The following ARRDC5 variants were observed in gnomAD, a reference collection of about 807,000 sequenced individuals.
ARRDC5 encodes the protein arrestin domain containing 5.
A neutral mutation model predicts 13.3 loss-of-function variants in ARRDC5; 12 were observed. That is an observed-to-expected ratio of 0.90 (90% CI 0.58 to 1.46). The LOEUF is 1.46. Ranked by LOEUF, ARRDC5 falls within the 40% of genes most tolerant of loss-of-function variation. The pLI, the probability that ARRDC5 is intolerant of heterozygous loss-of-function variation, is 0.00. For missense variants in ARRDC5, 406 were observed against 418.7 expected, an observed-to-expected ratio of 0.97 and a Z score of 0.26; for synonymous variants, 181 against 173.4, an observed-to-expected ratio of 1.04 and a Z score of -0.34.
At chr19:4,897,699 T>G (rs2031781011) in intron 1 of ARRDC5, among the ~76,000 whole-genome samples, 1 of 152,058 alleles carries the variant, frequency 6.6e-6, no homozygotes, top group Non-Finnish European at 1.5e-5. Flanking sequence ...AAATTTCTGG[T>G]AGAGACAGGG....
At chr19:4,898,592 C>T (rs2031809026) in intron 1 of ARRDC5, among the ~76,000 whole-genome samples, 1 of 151,772 alleles carries the variant, frequency 6.6e-6, no homozygotes, top group Admixed American at 6.6e-5. Context: ...GAACTCCTGA[C>T]CTCAGATAAT....
the ARRDC5 span, among the ~76,000 whole-genome samples, chr19:4,914,072 C>T: frequency 1.3e-5 from 2 of 152,026 alleles, no homozygotes; most frequent in Admixed American, 6.6e-5. Context: ...CCCCCTCCCC[C>T]ACCTTGGCCT....
chr19:4,910,276 T>TGGCCGGGACGGGGC, the ARRDC5 span: 1 of 115,516 alleles, frequency 8.7e-6, no homozygotes, highest in Non-Finnish European at 1.7e-5. Flanking sequence ...CGCTCGCGGG[T>TGGCCGGGACGGGGC]GGCCGGGACG....
the ARRDC5 span, chr19:4,909,382 C>A: frequency 6.4e-6 from 4 of 628,000 alleles, no homozygotes; most frequent in Non-Finnish European, 8.5e-6. Flanking sequence ...GGGCGCCCCC[C>A]ACCCTCTTTC....
At chr19:4,897,102 G>A (rs549799202) in intron 1 of ARRDC5, among the ~76,000 whole-genome samples, 6 of 152,106 alleles carry the variant, frequency 3.9e-5, no homozygotes, top group East Asian at 1.9e-4. Flanking sequence ...GACTACAGGC[G>A]TGCACCACCA....
At chr19:4,894,703 AAGG>A (rs1568394957) in intron 2 of ARRDC5, among the ~76,000 whole-genome samples, 56 of 120,356 alleles carry the variant, frequency 4.7e-4, no homozygotes, top group African/African-American at 1.3e-3. Context: ...AAAGAAGAAG[AAGG>A]AGAAGGAGAA....
the ARRDC5 span, among the ~76,000 whole-genome samples, chr19:4,916,640 G>A: frequency 6.6e-5 from 10 of 152,214 alleles, no homozygotes; most frequent in African/African-American, 1.7e-4. Flanking sequence ...CGCCGTCCAC[G>A]CCACCGCCGC....
chr19:4,911,752 G>T, the ARRDC5 span, among the ~76,000 whole-genome samples: 22 of 152,150 alleles, frequency 1.4e-4, no homozygotes, highest in Non-Finnish European at 2.9e-4. Context: ...TGCTACTTTG[G>T]TTGGTGTTTT....
At position 4,891,025 on chromosome 19, in the gene ARRDC5, A is replaced by G. The variant is rs763226223; in HGVS notation, c.*21T>C. 3.2e-5 allele frequency: 51 copies of G among 1,588,284 alleles called. No homozygotes were observed. The highest frequency in any genetic ancestry group is 4.4e-5 in the Non-Finnish European group (51 of 1,167,852). On this transcript the variant is annotated 3_prime_UTR_variant, in exon 3 of 3. Coordinates refer to ENST00000650722, the MANE Select transcript of ARRDC5 (RefSeq NM_001080523.3). The stretch of plus-strand genomic sequence containing the variant: ...CCTGGTAGAGACTAATAAAGCTTTT[A>G]ATATTTAAAAGTTCGGGCACTTAAT...
At chr19:4,905,398 T>C (rs1568401550), upstream of ARRDC5, among the ~76,000 whole-genome samples, 1 of 151,206 alleles carries the variant, frequency 6.6e-6, no homozygotes, top group African/African-American at 2.4e-5. Context: ...GGATTACAGG[T>C]GTGAGCCACC....
chr19:4,902,950 A>C (rs2031975253), upstream of ARRDC5: 9 of 1,468,066 alleles, frequency 6.1e-6, no homozygotes, highest in Admixed American at 7.4e-5. Context: ...GGAAGTGGGG[A>C]CCCCAGTGGC....
rs1026672609 is a variant in ARRDC5, at chr19:4,890,885, C to T, written c.*161G>A. Reference sequence around the variant, plus strand: ...CCATTCCAGGCATTCAGTGATAGTTCTAGGGAGGGGAGACACAGATACCTA... The same window carrying T: ...CCATTCCAGGCATTCAGTGATAGTTTTAGGGAGGGGAGACACAGATACCTA... On this transcript the variant is annotated 3_prime_UTR_variant, in exon 3 of 3. Transcript: ENST00000650722. 5 of 624,396 alleles carry T rather than the reference C, an allele frequency of 8.0e-6. No individual in the cohort carries two copies. The African/African-American group carries it at 9.2e-5, about 12-fold the overall frequency. The allele number at this position is 624,396 out of a possible 1,614,324, so 38.7% of individuals were successfully genotyped here. A position where few individuals can be genotyped will look rare whatever the true frequency, so the allele number is the denominator to read the frequency against.
chr19:4,892,693 C>A (rs1160630162), intron 2 of ARRDC5, among the ~76,000 whole-genome samples: 1 of 152,116 alleles, frequency 6.6e-6, no homozygotes, highest in Admixed American at 6.6e-5. Context: ...TGCAACATAG[C>A]AAATTGTTAT....
intron 1 of ARRDC5, among the ~76,000 whole-genome samples, chr19:4,898,773 C>T (rs1053810649): frequency 4.7e-5 from 7 of 148,290 alleles, no homozygotes; most frequent in Non-Finnish European, 1.0e-4. Flanking sequence ...ACTACAGGCG[C>T]GTGTCACCAC....
At chr19:4,909,200 G>C in the ARRDC5 span, 1 of 452,012 alleles carries the variant, frequency 2.2e-6, no homozygotes. Flanking sequence ...TTGGACTTAA[G>C]AGTTCAGGGG....
intron 2 of ARRDC5, 140 bp downstream of exon 2, chr19:4,896,531 T>A (rs1599214957): frequency 1.6e-6 from 1 of 640,150 alleles, no homozygotes; most frequent in East Asian, 2.8e-5. Context: ...TCACCTTTTG[T>A]GAAATCTCGG....
Position 4,896,877 on chromosome 19 carries a change from C to G in ARRDC5, c.254-1G>C, listed in dbSNP as rs1437792174. 1 of 1,612,166 alleles carries G rather than the reference C, an allele frequency of 6.2e-7. No homozygotes were observed. Among genetic ancestry groups the G allele is most frequent in the Non-Finnish European group, 8.5e-7 (1 of 1,178,566 alleles). On this transcript the variant is annotated splice_acceptor_variant, in intron 1 of 2. Transcript: ENST00000650722. LOFTEE classifies it high-confidence loss of function. Reference sequence around the variant, plus strand: ...TGGCTGCCTGCACTTAACCAATTATCTGAAAGCAAAACACACCGATGCCAT... The same window carrying G: ...TGGCTGCCTGCACTTAACCAATTATGTGAAAGCAAAACACACCGATGCCAT...
At chr19:4,898,606 C>T (rs1228579670) in intron 1 of ARRDC5, among the ~76,000 whole-genome samples, 1 of 151,868 alleles carries the variant, frequency 6.6e-6, no homozygotes, top group Non-Finnish European at 1.5e-5. Flanking sequence ...AGATAATCCA[C>T]CTGCCTTGGC....
rs986678319 is a variant in ARRDC5, at chr19:4,890,838, A to C, written c.*208T>G. ...GGTTATGCCGGGTTTGGGTCCTGGGAGACCTTCCCGGTTTCCTTTGTCCAT... is the reference window on the plus strand; with the variant it reads ...GGTTATGCCGGGTTTGGGTCCTGGGCGACCTTCCCGGTTTCCTTTGTCCAT... On this transcript the variant is annotated 3_prime_UTR_variant, in exon 3 of 3. Transcript: ENST00000650722. The C allele has an allele frequency of 1.5e-5, 8 of 548,798 alleles. No individual in the cohort carries two copies. Among genetic ancestry groups the C allele is most frequent in the Non-Finnish European group, 2.6e-5 (8 of 311,696 alleles). The allele number at this position is 548,798 out of a possible 1,614,324, so 34.0% of individuals were successfully genotyped here. A position where few individuals can be genotyped will look rare whatever the true frequency, so the allele number is the denominator to read the frequency against.
Sources: gnomAD v4.1 joint callset for allele counts (sites outside exome capture counted in the v4.1 genomes callset) on GRCh38, gnomAD v4.1.1 for gene constraint, MANE v1.5 for transcripts, NCBI Gene and HGNC (gene_info 2026-07-23, HGNC 2026-07-21) for gene names.